ANKRD44: variants seen among roughly 807,000 people sequenced by gnomAD.
The protein encoded by ANKRD44 is ankyrin repeat domain 44, also known as serine/threonine-protein phosphatase 6 regulatory ankyrin repeat subunit B.
A neutral mutation model predicts 116.0 loss-of-function variants in ANKRD44; 35 were observed. The observed-to-expected ratio is 0.30, with a 90% CI of 0.23 to 0.40. ANKRD44 has a LOEUF of 0.40. Among genes scored for constraint, ANKRD44 ranks in the 10% least tolerant of loss-of-function variants. The pLI is 1.00. For missense variants in ANKRD44, 1,014 were observed against 1,242.6 expected (o/e 0.82, Z 2.77); for synonymous variants, 435 against 461.8 (o/e 0.94, Z 0.74).
intron 1 of ANKRD44, among the ~76,000 whole-genome samples, chr2:197,202,401 A>G (rs1339700882): frequency 6.7e-6 from 1 of 149,802 alleles, no homozygotes; most frequent in East Asian, 1.9e-4. Context: ...GAGATTTCAG[A>G]TGGAAAAAAA....
At chr2:197,264,772 C>A (rs1004535763) in intron 1 of ANKRD44, among the ~76,000 whole-genome samples, 3 of 152,180 alleles carry the variant, frequency 2.0e-5, no homozygotes, top group African/African-American at 7.2e-5. Flanking sequence ...CTTTTCCAGA[C>A]TCCTGAGGGT....
intron 1 of ANKRD44, among the ~76,000 whole-genome samples, chr2:197,287,846 C>A (rs1036104969): frequency 4.6e-5 from 7 of 151,470 alleles, no homozygotes; most frequent in Admixed American, 3.3e-4. Context: ...ATGGTGAAAC[C>A]CTGTCCCTCC....
chr2:197,139,587 C>G (rs1446102575), intron 3 of ANKRD44, among the ~76,000 whole-genome samples: 1 of 151,560 alleles, frequency 6.6e-6, no homozygotes, highest in Non-Finnish European at 1.5e-5. Flanking sequence ...ACCCATACAG[C>G]TGCAACTGTA....
intron 10 of ANKRD44, among the ~76,000 whole-genome samples, chr2:197,093,495 T>C (rs1181117753): frequency 2.0e-5 from 3 of 152,212 alleles, no homozygotes; most frequent in Non-Finnish European, 2.9e-5. Context: ...ATTTGTTTGA[T>C]ATATATTTTT....
intron 27 of ANKRD44, among the ~76,000 whole-genome samples, chr2:196,992,481 C>A (rs1051750366): frequency 6.6e-6 from 1 of 152,106 alleles, no homozygotes; most frequent in Non-Finnish European, 1.5e-5. Flanking sequence ...GCTGAACAAA[C>A]CTTCAATGCA....
intron 1 of ANKRD44, among the ~76,000 whole-genome samples, chr2:197,272,869 G>T (rs1409048660): frequency 6.6e-6 from 1 of 151,948 alleles, no homozygotes; most frequent in Non-Finnish European, 1.5e-5. Context: ...GTATTCTGTT[G>T]GAAGCACCAA....
intron 1 of ANKRD44, among the ~76,000 whole-genome samples, chr2:197,200,305 C>A (rs1025621589): frequency 3.9e-5 from 6 of 152,070 alleles, no homozygotes; most frequent in Admixed American, 3.9e-4. Context: ...AGTGGTGTCT[C>A]TGGAGGAGGC....
intron 16 of ANKRD44, among the ~76,000 whole-genome samples, chr2:197,048,183 T>C (rs1447902695): frequency 6.6e-6 from 1 of 152,202 alleles, no homozygotes; most frequent in African/African-American, 2.4e-5. Context: ...CTATTTTTAA[T>C]GTATTCATTG....
intron 1 of ANKRD44, chr2:197,198,945 C>CCGACAT (rs2081029738): frequency 6.6e-6 from 1 of 152,468 alleles, no homozygotes; most frequent in African/African-American, 2.4e-5. Context: ...CAGCGCCAGC[C>CCGACAT]CGACATCGGC....
intron 13 of ANKRD44, 126 bp from the exon 14 acceptor site, chr2:197,083,635 C>G: frequency 1.1e-6 from 1 of 922,512 alleles, no homozygotes; most frequent in Non-Finnish European, 1.6e-6. Context: ...GTGTGGAGGC[C>G]AAAGTCATGC....
chr2:197,013,920 G>A (rs146425716), intron 17 of ANKRD44, among the ~76,000 whole-genome samples: 29 of 152,332 alleles, frequency 1.9e-4, no homozygotes, highest in African/African-American at 6.7e-4. Flanking sequence ...AGTTCCATAT[G>A]AGTTTCGTGT....
intron 9 of ANKRD44, among the ~76,000 whole-genome samples, chr2:197,106,249 C>T (rs1307999193): frequency 1.3e-5 from 2 of 151,748 alleles, no homozygotes; most frequent in Admixed American, 6.6e-5. Context: ...CAAGAACAGC[C>T]TGGCCAATAT....
Position 196,989,552 on chromosome 2 carries a change from A to G in ANKRD44, c.*39T>C, listed in dbSNP as rs1367211470. ...TATATATATATACACACGCACACAT[A>G]TATGTGTGCATGTGTATGTGCATAA... On this transcript the variant is annotated 3_prime_UTR_variant, in exon 28 of 28. Coordinates refer to ENST00000282272, the MANE Select transcript of ANKRD44 (RefSeq NM_001195144.2). The G allele has an allele frequency of 2.6e-6, 4 of 1,547,458 alleles. No homozygotes were observed. In the African/African-American group the frequency reaches 4.1e-5, roughly 16 times the overall value.
At chr2:197,199,956 T>G (rs1295669373) in intron 1 of ANKRD44, among the ~76,000 whole-genome samples, 1 of 152,214 alleles carries the variant, frequency 6.6e-6, no homozygotes. Flanking sequence ...CTATCAGTGC[T>G]TATCCACATT....
chr2:197,294,751 C>G (rs530889185), intron 1 of ANKRD44, among the ~76,000 whole-genome samples: 22 of 152,288 alleles, frequency 1.4e-4, no homozygotes, highest in African/African-American at 4.8e-4. Context: ...GACCTTTAAA[C>G]TGTGTTTGCT....
intron 1 of ANKRD44, among the ~76,000 whole-genome samples, chr2:197,274,567 A>C (rs1264893174): frequency 6.6e-6 from 1 of 151,858 alleles, no homozygotes; most frequent in Non-Finnish European, 1.5e-5. Context: ...GCACTCACTC[A>C]CTCCAGGGCT....
intron 27 of ANKRD44, chr2:196,990,909 G>A: frequency 1.6e-6 from 2 of 1,232,582 alleles, no homozygotes; most frequent in Non-Finnish European, 2.0e-6. Flanking sequence ...AGGAGCGCAA[G>A]CCAGGGCCGG....
At chr2:197,002,452 G>A (rs2076130333) in intron 21 of ANKRD44, among the ~76,000 whole-genome samples, 1 of 152,184 alleles carries the variant, frequency 6.6e-6, no homozygotes. Flanking sequence ...CTGAATTCAA[G>A]TTAAGTAAGG....
chr2:197,026,569 G>T (rs1422100434), intron 16 of ANKRD44, among the ~76,000 whole-genome samples: 1 of 152,188 alleles, frequency 6.6e-6, no homozygotes, highest in Non-Finnish European at 1.5e-5. Context: ...GGGTGAGAAT[G>T]GCAGGACAGA....
Sources: allele counts gnomAD v4.1 joint callset (sites outside exome capture counted in the v4.1 genomes callset), GRCh38; gene constraint gnomAD v4.1.1; transcripts MANE v1.5; gene names NCBI Gene and HGNC (gene_info 2026-07-23, HGNC 2026-07-21).